The following CDIN1 variants were observed in gnomAD, a reference collection of about 807,000 sequenced individuals.
CDIN1 encodes CDAN1-interacting nuclease 1.
CDIN1 carries 33 observed loss-of-function variants against 45.3 expected under a neutral mutation model. The ratio of observed to expected loss-of-function variants is 0.73; its 90% CI spans 0.55 to 0.97. The LOEUF (loss-of-function observed/expected upper bound fraction) is 0.97, where lower values mean the gene tolerates loss of function less well. Ranked by LOEUF, CDIN1 falls within the 50% of genes least tolerant of loss-of-function variation. The pLI, the probability that CDIN1 is intolerant of heterozygous loss-of-function variation, is 0.00. For synonymous variants in CDIN1, 118 were observed against 124.4 expected, an observed-to-expected ratio of 0.95 and a Z score of 0.34; for missense variants, 303 against 339.4, an observed-to-expected ratio of 0.89 and a Z score of 0.84.
In CDIN1 at chr15:36,644,284, G is replaced by T; in HGVS notation, c.108G>T (p.Ser36=). 1 of 1,613,354 alleles carries T rather than the reference G, an allele frequency of 6.2e-7. No individual in the cohort carries two copies. Among genetic ancestry groups the T allele is most frequent in the Non-Finnish European group, 8.5e-7 (1 of 1,179,558 alleles). Residue 36 remains serine (S), a synonymous_variant, in exon 2 of 11, where the codon TCG becomes TCT. Transcript: ENST00000566621. The stretch of plus-strand genomic sequence containing the variant: ...CTTCTTTTATTTGTTCCAGTCAATC[G>T]CAGGCCACTCTGCTGAGCATCTTCT... ...RKLKQRFPSQ[S]QATLLSIFSQ... is the part of the protein sequence containing the mutation.
chr15:36,604,390 A>C (rs1016000251), intron 1 of CDIN1, among the ~76,000 whole-genome samples: 1 of 141,696 alleles, frequency 7.1e-6, no homozygotes, highest in Non-Finnish European at 1.5e-5. Context: ...TATCAATTCC[A>C]TAATGTTCTT....
chr15:36,734,495 G>A (rs1041622122), intron 10 of CDIN1: 1 of 310,746 alleles, frequency 3.2e-6, no homozygotes, highest in Admixed American at 3.9e-5. Context: ...AGCAGAGAAG[G>A]TTAACCTGAC....
At chr15:36,649,756 C>T (rs570457802) in intron 3 of CDIN1, among the ~76,000 whole-genome samples, 142 of 152,246 alleles carry the variant, frequency 9.3e-4, no homozygotes, top group African/African-American at 2.9e-3. Context: ...CCGGACACCC[C>T]GAATCGATAA....
chr15:36,582,065 C>G (rs1039046746), intron 1 of CDIN1, among the ~76,000 whole-genome samples: 24 of 152,162 alleles, frequency 1.6e-4, no homozygotes, highest in Non-Finnish European at 1.3e-4. Context: ...TATGAGCATT[C>G]CAGTATTTGA....
chr15:36,623,189 G>A (rs1595380840), intron 1 of CDIN1, among the ~76,000 whole-genome samples: 1 of 152,054 alleles, frequency 6.6e-6, no homozygotes, highest in Non-Finnish European at 1.5e-5. Flanking sequence ...TTGTATATAT[G>A]CCAAGGGAAA....
At chr15:36,647,587 C>G (rs2040388490) in intron 3 of CDIN1, 1 of 152,280 alleles carries the variant, frequency 6.6e-6, no homozygotes, top group Non-Finnish European at 1.5e-5. Flanking sequence ...CATGTTGTTA[C>G]CTTTCAGATG....
chr15:36,595,159 C>A (rs1305274184), intron 1 of CDIN1, among the ~76,000 whole-genome samples: 2 of 151,704 alleles, frequency 1.3e-5, no homozygotes, highest in African/African-American at 2.4e-5. Flanking sequence ...AATTTTTAAG[C>A]AGTTTGTGCC....
chr15:36,704,476 A>G (rs889075710), intron 8 of CDIN1: 1 of 151,952 alleles, frequency 6.6e-6, no homozygotes, highest in African/African-American at 2.4e-5. Context: ...AACTTCTTAA[A>G]TTGTATAGAA....
chr15:36,628,092 C>T (rs1409392635), intron 1 of CDIN1, among the ~76,000 whole-genome samples: 1 of 151,974 alleles, frequency 6.6e-6, no homozygotes, highest in Non-Finnish European at 1.5e-5. Flanking sequence ...CTTTTCTATA[C>T]AGTTCTGCAA....
chr15:36,621,372 G>GT (rs2039180353), intron 1 of CDIN1, among the ~76,000 whole-genome samples: 1 of 152,180 alleles, frequency 6.6e-6, no homozygotes, highest in Admixed American at 6.5e-5. Flanking sequence ...AACACTGCAC[G>GT]TATCTGTACA....
At chr15:36,760,734 G>A (rs906309998) in intron 10 of CDIN1, among the ~76,000 whole-genome samples, 4 of 152,158 alleles carry the variant, frequency 2.6e-5, no homozygotes, top group African/African-American at 9.7e-5. Flanking sequence ...TGGTGCTGGT[G>A]GTGGTGGTGG....
chr15:36,625,687 G>A (rs575132179), intron 1 of CDIN1, among the ~76,000 whole-genome samples: 17 of 152,280 alleles, frequency 1.1e-4, no homozygotes, highest in African/African-American at 3.6e-4. Context: ...AGTTGAACTC[G>A]GGAGAGCCTG....
At chr15:36,645,393 T>G (rs1389240270) in intron 3 of CDIN1, 106 bp downstream of exon 3, 1 of 1,031,166 alleles carries the variant, frequency 9.7e-7, no homozygotes, top group Non-Finnish European at 1.4e-6. Context: ...CCCAAGACAT[T>G]GTGTTTTAAG....
At chr15:36,653,700 A>G (rs2040664683) in intron 3 of CDIN1, among the ~76,000 whole-genome samples, 1 of 152,204 alleles carries the variant, frequency 6.6e-6, no homozygotes, top group African/African-American at 2.4e-5. Flanking sequence ...AAACAGGTAA[A>G]GGAAAAGGCA....
chr15:36,696,013 C>A (rs1359876358), intron 7 of CDIN1, among the ~76,000 whole-genome samples: 1 of 151,672 alleles, frequency 6.6e-6, no homozygotes, highest in Non-Finnish European at 1.5e-5. Flanking sequence ...ATATGGAGGT[C>A]ATAAACATAG....
intron 1 of CDIN1, chr15:36,594,817 A>ATT: frequency 2.7e-6 from 2 of 745,126 alleles, no homozygotes; most frequent in Non-Finnish European, 3.1e-6. Context: ...CGGCACTTAA[A>ATT]ATTTTTTTTT....
chr15:36,665,697 A>G (rs1056100766), intron 5 of CDIN1, among the ~76,000 whole-genome samples: 11 of 152,148 alleles, frequency 7.2e-5, no homozygotes, highest in African/African-American at 2.4e-4. Flanking sequence ...TCCCACCACC[A>G]CTGGAGCTTT....
intron 1 of CDIN1, chr15:36,617,379 A>G: frequency 6.4e-7 from 1 of 1,560,448 alleles, no homozygotes; most frequent in Non-Finnish European, 8.8e-7. Context: ...TAGGACCAGA[A>G]GATCTGAGTT....
chr15:36,700,848 G>A (rs1310835837), intron 8 of CDIN1, among the ~76,000 whole-genome samples: 1 of 151,892 alleles, frequency 6.6e-6, no homozygotes, highest in East Asian at 1.9e-4. Flanking sequence ...GCTGAGGCAG[G>A]AGGATCACAT....
Sources: allele counts gnomAD v4.1 joint callset (sites outside exome capture counted in the v4.1 genomes callset), GRCh38; gene constraint gnomAD v4.1.1; transcripts MANE v1.5; gene names NCBI Gene and HGNC (gene_info 2026-07-23, HGNC 2026-07-21).